Variants in PDE11A observed in about 807,000 individuals in gnomAD.
PDE11A encodes dual 3',5'-cyclic-AMP and -GMP phosphodiesterase 11A.
PDE11A carries 100 observed loss-of-function variants against 100.5 expected under a neutral mutation model. The observed-to-expected ratio is 1.00, with a 90% confidence interval of 0.85 to 1.18. The LOEUF (loss-of-function observed/expected upper bound fraction) is 1.18, where lower values mean the gene tolerates loss of function less well. PDE11A is among the 50% of genes most tolerant of loss of function. The probability of loss-of-function intolerance (pLI) is 0.00; values close to 1 mark genes in which losing one functional copy is unlikely to be tolerated. For missense variants in PDE11A, 1,141 were observed against 1,152.6 expected (o/e 0.99, Z 0.15); for synonymous variants, 381 against 420.8 (o/e 0.91, Z 1.16).
intron 12 of PDE11A, among the ~76,000 whole-genome samples, chr2:177,725,968 A>C (rs1382938559): frequency 6.6e-6 from 1 of 152,188 alleles, no homozygotes; most frequent in Non-Finnish European, 1.5e-5. Context: ...GGTTTTCCCA[A>C]ATAATGGGTT....
intron 16 of PDE11A, among the ~76,000 whole-genome samples, chr2:177,679,957 A>C (rs1194694351): frequency 4.6e-5 from 7 of 152,132 alleles, no homozygotes; most frequent in African/African-American, 9.7e-5. Context: ...GAGGAAAAAA[A>C]CTAGAGCCCT....
chr2:177,645,544 A>T (rs2080211478), intron 19 of PDE11A, among the ~76,000 whole-genome samples: 1 of 152,248 alleles, frequency 6.6e-6, no homozygotes, highest in Non-Finnish European at 1.5e-5. Context: ...ATAGCAGTAT[A>T]GCATTGGCTT....
chr2:177,983,103 A>G (rs2085902563), intron 2 of PDE11A, among the ~76,000 whole-genome samples: 1 of 150,560 alleles, frequency 6.6e-6, no homozygotes, highest in African/African-American at 2.4e-5. Flanking sequence ...AAATTTAACT[A>G]TAAATCCAGA....
At chr2:177,727,201 T>C (rs557356430) in intron 12 of PDE11A, among the ~76,000 whole-genome samples, 3 of 151,998 alleles carry the variant, frequency 2.0e-5, no homozygotes, top group Non-Finnish European at 2.9e-5. Flanking sequence ...CCCTCTTTTC[T>C]CCTTGGCCTC....
At chr2:178,082,964 T>C (rs943335464) in intron 2 of PDE11A, among the ~76,000 whole-genome samples, 7 of 152,178 alleles carry the variant, frequency 4.6e-5, no homozygotes, top group Middle Eastern at 3.2e-3. Context: ...TCAAGGTTAC[T>C]CTGATCCCCT....
chr2:177,827,562 T>C (rs918991596), intron 6 of PDE11A, among the ~76,000 whole-genome samples: 1 of 152,156 alleles, frequency 6.6e-6, no homozygotes, highest in Non-Finnish European at 1.5e-5. Flanking sequence ...ACTACACAAA[T>C]GGAAGGAAAT....
At chr2:177,640,185 AT>A (rs1045891654) in intron 19 of PDE11A, among the ~76,000 whole-genome samples, 1 of 152,140 alleles carries the variant, frequency 6.6e-6, no homozygotes, top group African/African-American at 2.4e-5. Flanking sequence ...AACTTAGAGT[AT>A]TTTTTAATGT....
At position 177,624,890 on chromosome 2, in the gene PDE11A, T is replaced by G. The variant is rs1357387317; in HGVS notation, c.*4517A>C. The G allele has an allele frequency of 6.6e-6, 1 of 152,220 alleles. No homozygotes were observed. The highest frequency in any genetic ancestry group is 2.4e-5 in the African/African-American group (1 of 41,404). The allele number at this position is 152,220 out of a possible 1,614,324, so 9.4% of individuals were successfully genotyped here. A position where few individuals can be genotyped will look rare whatever the true frequency, so the allele number is the denominator to read the frequency against. The stretch of plus-strand genomic sequence containing the variant: ...TTCGAGACCAGTGTGGTCAGCATAG[T>G]GAGGCCTCGTCTTTACAAACAATAC... On this transcript the variant is annotated 3_prime_UTR_variant, in exon 20 of 20. Coordinates refer to ENST00000286063, the MANE Select transcript of PDE11A (RefSeq NM_016953.4).
chr2:177,843,599 C>T (rs2105630450), intron 5 of PDE11A, among the ~76,000 whole-genome samples: 1 of 152,238 alleles, frequency 6.6e-6, no homozygotes, highest in Middle Eastern at 3.4e-3. Flanking sequence ...TAGAATGTGG[C>T]TTGGTTCAGT....
intron 2 of PDE11A, 119 bp from the exon 3 acceptor site, chr2:177,905,306 G>T: frequency 1.6e-6 from 1 of 614,070 alleles, no homozygotes. Flanking sequence ...CATCTATAGA[G>T]ATTGAATACA....
chr2:177,687,598 C>T (rs990756221), intron 15 of PDE11A: 2 of 152,092 alleles, frequency 1.3e-5, no homozygotes, highest in African/African-American at 2.4e-5. Context: ...TTATATTTTT[C>T]TAATATTTCT....
chr2:177,663,979 T>G, intron 18 of PDE11A, 30 bp from the exon 19 acceptor site: 1 of 1,329,186 alleles, frequency 7.5e-7, no homozygotes, highest in Non-Finnish European at 1.1e-6. Flanking sequence ...GAACCTCGCT[T>G]TATTACACCA....
chr2:177,905,194 CAA>C lies in PDE11A; in HGVS notation c.1072-9_1072-8del, dbSNP rs772622870. On this transcript the variant is annotated splice_polypyrimidine_tract_variant and splice_region_variant and intron_variant, in intron 2 of 19. Coordinates refer to ENST00000286063, the MANE Select transcript of PDE11A (RefSeq NM_016953.4). Reference sequence around the variant, plus strand: ...GAAGATACATCTGCATAACCTGGGACAAAGAGAGTAGTAAGAACATTAAAACA... The same window carrying C: ...GAAGATACATCTGCATAACCTGGGACAGAGAGTAGTAAGAACATTAAAACA... 1 of 1,508,142 alleles carries C rather than the reference CAA, an allele frequency of 6.6e-7. No homozygotes were observed. Among genetic ancestry groups the C allele is most frequent in the Non-Finnish European group, 9.2e-7 (1 of 1,082,776 alleles). 93.4% of individuals were successfully genotyped at this position (1,508,142 alleles called of 1,614,324 possible). A position where few individuals can be genotyped will look rare whatever the true frequency, so the allele number is the denominator to read the frequency against.
intron 10 of PDE11A, among the ~76,000 whole-genome samples, chr2:177,751,573 C>G (rs2082027619): frequency 6.6e-6 from 1 of 152,148 alleles, no homozygotes; most frequent in Non-Finnish European, 1.5e-5. Context: ...GAGGTGGAGC[C>G]TCAGAAAGCT....
intron 2 of PDE11A, among the ~76,000 whole-genome samples, chr2:177,982,964 CA>C (rs2085900943): frequency 6.7e-6 from 1 of 150,364 alleles, no homozygotes; most frequent in East Asian, 1.9e-4. Context: ...CCGGTAATCC[CA>C]GTTACTTGGG....
At chr2:177,958,739 T>C (rs1018277322) in intron 2 of PDE11A, among the ~76,000 whole-genome samples, 2 of 152,188 alleles carry the variant, frequency 1.3e-5, no homozygotes, top group African/African-American at 4.8e-5. Flanking sequence ...TAGAGAAAAG[T>C]GCTATTTTTT....
At chr2:178,008,363 A>G (rs999951526) in intron 2 of PDE11A, among the ~76,000 whole-genome samples, 1 of 152,194 alleles carries the variant, frequency 6.6e-6, no homozygotes, top group African/African-American at 2.4e-5. Flanking sequence ...AGGGTTGGCT[A>G]TTATAGTAGT....
chr2:177,928,704 C>T lies in PDE11A; in HGVS notation c.1072-23517G>A, dbSNP rs532883128. ...GGCAGGAGGACTGCTTAAAAAAATT[C>T]TTTTTTTAATTATCTGGGGGTGGTG... On this transcript the variant is annotated intron_variant, in intron 2 of 19. Coordinates refer to ENST00000286063, the MANE Select transcript of PDE11A (RefSeq NM_016953.4). Among the ~76,000 whole-genome samples, 507 of 152,122 alleles carry T rather than the reference C, an allele frequency of 3.3e-3. 4 individuals carry two copies. Among genetic ancestry groups the T allele is most frequent in the Non-Finnish European group, 5.3e-3 (360 of 67,982 alleles).
chr2:177,670,131 A>C (rs1189093371), intron 17 of PDE11A, among the ~76,000 whole-genome samples: 3 of 152,186 alleles, frequency 2.0e-5, no homozygotes, highest in Non-Finnish European at 4.4e-5. Flanking sequence ...AAGAGGCAGG[A>C]CTAATGCCAG....
Sources: allele counts gnomAD v4.1 joint callset (sites outside exome capture counted in the v4.1 genomes callset), GRCh38; gene constraint gnomAD v4.1.1; transcripts MANE v1.5; gene names NCBI Gene and HGNC (gene_info 2026-07-23, HGNC 2026-07-21).